The following CNTNAP2 variants were observed in gnomAD, a reference collection of about 807,000 sequenced individuals.
CNTNAP2 encodes the protein contactin associated protein 2.
In CNTNAP2, 98 loss-of-function variants were observed where a neutral mutation model predicts 155.2. The observed-to-expected ratio is 0.63, with a 90% CI of 0.54 to 0.75. CNTNAP2 has a LOEUF of 0.75. Ranked by LOEUF, CNTNAP2 falls within the 30% of genes least tolerant of loss-of-function variation. The pLI is 0.00. For missense variants in CNTNAP2, 1,727 were observed against 1,688.1 expected (o/e 1.02, Z -0.40); for synonymous variants, 651 against 631.2 (o/e 1.03, Z -0.47).
intron 8 of CNTNAP2, among the ~76,000 whole-genome samples, chr7:147,213,266 T>C (rs910101057): frequency 5.3e-5 from 8 of 152,182 alleles, no homozygotes; most frequent in African/African-American, 1.9e-4. Context: ...TTCGTCTCTT[T>C]GTTCTATCCA....
chr7:147,350,566 T>TTG (rs139385567), intron 9 of CNTNAP2, among the ~76,000 whole-genome samples: 1 of 151,764 alleles, frequency 6.6e-6, no homozygotes, highest in African/African-American at 2.4e-5. Context: ...AGTTCCCATT[T>TTG]TGTGTGTGTG....
At chr7:147,494,894 A>G (rs1411512167) in intron 11 of CNTNAP2, among the ~76,000 whole-genome samples, 1 of 152,096 alleles carries the variant, frequency 6.6e-6, no homozygotes, top group Non-Finnish European at 1.5e-5. Context: ...CCATTTTGAC[A>G]TTAGTTAATA....
Position 147,304,975 on chromosome 7 carries a change from G to C in CNTNAP2, c.1498+4685G>C, listed in dbSNP as rs1022149363. Reference sequence around the variant, plus strand: ...TTCTCATCGAAGAAAAATAGAGACAGAGAGAGAAAGACAGAGAGCACACAC... The same window carrying C: ...TTCTCATCGAAGAAAAATAGAGACACAGAGAGAAAGACAGAGAGCACACAC... On this transcript the variant is annotated intron_variant, in intron 9 of 23. Coordinates refer to ENST00000361727, the MANE Select transcript of CNTNAP2 (RefSeq NM_014141.6). Among the ~76,000 whole-genome samples the C allele has an allele frequency of 5.3e-5, 8 of 152,210 alleles. No individual in the cohort carries two copies. The East Asian group carries it at 1.2e-3, about 22-fold the overall frequency.
chr7:146,693,619 G>A (rs1190994204), intron 1 of CNTNAP2, among the ~76,000 whole-genome samples: 8 of 151,886 alleles, frequency 5.3e-5, no homozygotes, highest in Admixed American at 4.6e-4. Context: ...CCTGGGTTCT[G>A]TTTCCTCATC....
At chr7:147,660,853 G>C (rs1437371079) in intron 13 of CNTNAP2, among the ~76,000 whole-genome samples, 1 of 152,054 alleles carries the variant, frequency 6.6e-6, no homozygotes, top group African/African-American at 2.4e-5. Flanking sequence ...GCCTAATATT[G>C]GCCCTAAAAA....
chr7:147,589,546 T>G (rs1421736830), intron 12 of CNTNAP2, among the ~76,000 whole-genome samples: 1 of 152,174 alleles, frequency 6.6e-6, no homozygotes, highest in African/African-American at 2.4e-5. Context: ...TTGCATAGTT[T>G]TATGGCATGT....
At chr7:148,146,779 CTCATTACACCAACAATAGGTCACCG>C (rs1805188927) in intron 16 of CNTNAP2, among the ~76,000 whole-genome samples, 5 of 152,190 alleles carry the variant, frequency 3.3e-5, no homozygotes, top group African/African-American at 4.8e-5. Context: ...ATAGGTTACC[CTCATTACACCAACAATAGGTCACCG>C]TCATTACACC....
At chr7:146,415,656 A>T (rs1795927854) in intron 1 of CNTNAP2, among the ~76,000 whole-genome samples, 1 of 152,052 alleles carries the variant, frequency 6.6e-6, no homozygotes, top group Non-Finnish European at 1.5e-5. Context: ...CTTTTGAATC[A>T]TAGGAAAATC....
chr7:147,301,426 C>T (rs540225983), intron 9 of CNTNAP2, among the ~76,000 whole-genome samples: 62 of 152,172 alleles, frequency 4.1e-4, no homozygotes, highest in East Asian at 1.9e-3. Flanking sequence ...TCCTAAATCA[C>T]GCAATGTGAG....
intron 11 of CNTNAP2, among the ~76,000 whole-genome samples, chr7:147,491,253 A>T (rs895446603): frequency 3.3e-5 from 5 of 151,960 alleles, no homozygotes; most frequent in Non-Finnish European, 5.9e-5. Context: ...CCTTCAATGC[A>T]CTGGCCTCCT....
chr7:147,438,752 C>G (rs954649816), intron 10 of CNTNAP2, among the ~76,000 whole-genome samples: 2 of 151,790 alleles, frequency 1.3e-5, no homozygotes, highest in Non-Finnish European at 2.9e-5. Flanking sequence ...TTTTATTATG[C>G]TTCAGTTTCA....
intron 21 of CNTNAP2, among the ~76,000 whole-genome samples, chr7:148,349,090 T>C (rs1021668601): frequency 1.3e-5 from 2 of 152,080 alleles, no homozygotes. Flanking sequence ...GGAGCTGACT[T>C]GCTGGTGAGA....
intron 17 of CNTNAP2, among the ~76,000 whole-genome samples, chr7:148,149,741 G>A (rs1245625112): frequency 6.6e-6 from 1 of 151,944 alleles, no homozygotes; most frequent in Non-Finnish European, 1.5e-5. Flanking sequence ...TAGTAGAGAA[G>A]GGGTTTCACC....
chr7:148,347,869 A>T (rs1362302552), intron 21 of CNTNAP2, among the ~76,000 whole-genome samples: 1 of 152,234 alleles, frequency 6.6e-6, no homozygotes, highest in Non-Finnish European at 1.5e-5. Context: ...TTACAGCTGG[A>T]GTTGCATTAA....
At chr7:146,650,654 G>C (rs1799895178) in intron 1 of CNTNAP2, among the ~76,000 whole-genome samples, 1 of 151,862 alleles carries the variant, frequency 6.6e-6, no homozygotes, top group African/African-American at 2.4e-5. Flanking sequence ...CAAACCTACA[G>C]GTTCTGCACA....
At chr7:148,148,365 A>G (rs1388917720) in intron 17 of CNTNAP2, among the ~76,000 whole-genome samples, 1 of 152,206 alleles carries the variant, frequency 6.6e-6, no homozygotes, top group African/African-American at 2.4e-5. Context: ...AATTACTTCA[A>G]ATTCATACCT....
At chr7:146,506,103 A>T (rs188032280) in intron 1 of CNTNAP2, among the ~76,000 whole-genome samples, 1 of 152,310 alleles carries the variant, frequency 6.6e-6, no homozygotes, top group African/African-American at 2.4e-5. Flanking sequence ...CAGTCAGGGG[A>T]TGACTGTATA....
Position 146,301,832 on chromosome 7 carries a change from A to G in CNTNAP2, c.97+184859A>G, listed in dbSNP as rs184090390. Reference sequence around the variant, plus strand: ...GTGTGCTGGGTGTGGAAGTAACCAAAGAAATTGTTGTGGTATTGTGAAGGA... The same window carrying G: ...GTGTGCTGGGTGTGGAAGTAACCAAGGAAATTGTTGTGGTATTGTGAAGGA... On this transcript the variant is annotated intron_variant, in intron 1 of 23. Transcript: ENST00000361727. Among the ~76,000 whole-genome samples the G allele has an allele frequency of 3.3e-3, 498 of 152,228 alleles. 3 individuals are homozygous for G. Among genetic ancestry groups the G allele is most frequent in the African/African-American group, 0.012 (481 of 41,548 alleles).
At chr7:147,006,771 A>G (rs1220899852) in intron 3 of CNTNAP2, among the ~76,000 whole-genome samples, 1 of 152,040 alleles carries the variant, frequency 6.6e-6, no homozygotes, top group African/African-American at 2.4e-5. Context: ...CTGTCATTTT[A>G]CTATGTTTCC....
Sources: gnomAD v4.1 joint callset for allele counts (sites outside exome capture counted in the v4.1 genomes callset) on GRCh38, gnomAD v4.1.1 for gene constraint, MANE v1.5 for transcripts, NCBI Gene and HGNC (gene_info 2026-07-23, HGNC 2026-07-21) for gene names.